ISLR2: variants seen among roughly 807,000 people sequenced by gnomAD.
The protein encoded by ISLR2 is immunoglobulin superfamily containing leucine-rich repeat protein 2.
Under a neutral mutation model 25.5 loss-of-function variants are expected in ISLR2, and 16 were observed. The ratio of observed to expected loss-of-function variants is 0.63; its 90% CI spans 0.43 to 0.95. The LOEUF (loss-of-function observed/expected upper bound fraction) is 0.95, where lower values mean the gene tolerates loss of function less well. Among genes scored for constraint, ISLR2 ranks in the 40% least tolerant of loss-of-function variants. The pLI is 0.00. For missense variants in ISLR2, 883 were observed against 1,030.7 expected, an observed-to-expected ratio of 0.86 and a Z score of 1.96; for synonymous variants, 508 against 486.6, an observed-to-expected ratio of 1.04 and a Z score of -0.58.
chr15:74,113,656 A>G (rs1431608438), intron 2 of ISLR2, among the ~76,000 whole-genome samples: 1 of 152,146 alleles, frequency 6.6e-6, no homozygotes, highest in Non-Finnish European at 1.5e-5. Context: ...TCAAGGCTAC[A>G]TTTTAGGTTT....
chr15:74,125,055 C>T (rs769808364), upstream of ISLR2, among the ~76,000 whole-genome samples: 1 of 152,174 alleles, frequency 6.6e-6, no homozygotes, highest in African/African-American at 2.4e-5. Flanking sequence ...CCCCAGCCCC[C>T]ACTCCCCTGC....
intron 1 of ISLR2, among the ~76,000 whole-genome samples, chr15:74,103,646 C>T (rs1416680857): frequency 7.7e-6 from 1 of 129,780 alleles, no homozygotes; most frequent in African/African-American, 3.1e-5. Flanking sequence ...GAAAATTATA[C>T]TTTGATACAG....
intron 2 of ISLR2, among the ~76,000 whole-genome samples, chr15:74,116,251 G>T (rs1229842161): frequency 2.0e-5 from 3 of 151,762 alleles, no homozygotes; most frequent in African/African-American, 7.3e-5. Flanking sequence ...GCAGATATGG[G>T]ATTAAAAGCA....
intron 2 of ISLR2, among the ~76,000 whole-genome samples, chr15:74,121,444 C>G (rs1281834904): frequency 6.6e-6 from 1 of 152,058 alleles, no homozygotes; most frequent in African/African-American, 2.4e-5. Flanking sequence ...GAGGACAGCA[C>G]CTGAGCAATC....
At chr15:74,120,562 G>A (rs374680469) in intron 2 of ISLR2, among the ~76,000 whole-genome samples, 11 of 151,944 alleles carry the variant, frequency 7.2e-5, no homozygotes, top group Middle Eastern at 3.4e-3. Context: ...CCCACGGGGA[G>A]GCAGAGGGTA....
Position 74,134,313 on chromosome 15 carries a change from C to G in ISLR2, c.1559C>G (p.Pro520Arg), listed in dbSNP as rs1049576057. ...GPGPGGAGGA[P>R]RPGRRPLRLL... is the part of the protein sequence containing the mutation. ...GGGCCCGGCGGGGCTGGCGGAGCCCCGCGACCCGGGCGGCGACCCCTGCGC... is the reference window on the plus strand; with the variant it reads ...GGGCCCGGCGGGGCTGGCGGAGCCCGGCGACCCGGGCGGCGACCCCTGCGC... The change falls in exon 3 of 3, where the codon CCG becomes CGG. Residue 520 changes from proline to arginine, a missense_variant. By Grantham distance (103) the Pro-to-Arg change is moderately radical (BLOSUM62 -2). Transcript: ENST00000453268. 1.2e-5 allele frequency: 18 copies of G among 1,530,020 alleles called. 1 individual carries two copies. The South Asian group carries it at 1.6e-4, about 14-fold the overall frequency. 94.8% of individuals were successfully genotyped at this position (1,530,020 alleles called of 1,614,324 possible). A position where few individuals can be genotyped will look rare whatever the true frequency, so the allele number is the denominator to read the frequency against.
rs1401146207 is a variant in ISLR2 at position 74,136,672 on chromosome 15, G to A, written c.*1680G>A. The A allele has an allele frequency of 6.0e-6, 1 of 165,952 alleles. No individual in the cohort carries two copies. The highest frequency in any genetic ancestry group is 1.5e-5 in the Non-Finnish European group (1 of 68,132). The allele number at this position is 165,952 out of a possible 1,614,324, so 10.3% of individuals were successfully genotyped here. ...AAGCGTCGGGGTTGGGGTGGGGGGA[G>A]TTTCAGTCCTCGGGATCAGCCCTCT... On this transcript the variant is annotated 3_prime_UTR_variant, in exon 3 of 3. Coordinates refer to ENST00000453268, the MANE Select transcript of ISLR2 (RefSeq NM_020851.3).
chr15:74,110,585 A>G (rs1207452662), intron 2 of ISLR2, among the ~76,000 whole-genome samples: 1 of 151,984 alleles, frequency 6.6e-6, no homozygotes, highest in Non-Finnish European at 1.5e-5. Context: ...TGGGAGGCCA[A>G]GGTGAGCAGA....
chr15:74,128,889 CAAAG>C (rs1042461772), upstream of ISLR2: 12 of 382,996 alleles, frequency 3.1e-5, no homozygotes, highest in East Asian at 7.5e-5. Context: ...GTTCGGCAGA[CAAAG>C]AAGGGTGTGC....
intron 2 of ISLR2, among the ~76,000 whole-genome samples, chr15:74,114,308 G>A (rs745807611): frequency 3.9e-5 from 6 of 152,102 alleles, no homozygotes; most frequent in Non-Finnish European, 5.9e-5. Flanking sequence ...TTCGAAGTAC[G>A]ATTAATATCA....
intron 1 of ISLR2, among the ~76,000 whole-genome samples, chr15:74,102,943 G>A (rs900796120): frequency 1.3e-5 from 2 of 151,552 alleles, no homozygotes; most frequent in South Asian, 4.2e-4. Context: ...GAGTAGCTGG[G>A]ACTACAAGCA....
At chr15:74,111,094 C>T (rs1242368475) in intron 2 of ISLR2, among the ~76,000 whole-genome samples, 129 of 143,440 alleles carry the variant, frequency 9.0e-4, no homozygotes, top group Non-Finnish European at 2.0e-4. Flanking sequence ...GAGCCAAGAT[C>T]GCGCCACTGA....
chr15:74,118,722 A>G (rs552012067), intron 2 of ISLR2, among the ~76,000 whole-genome samples: 18 of 151,884 alleles, frequency 1.2e-4, no homozygotes, highest in South Asian at 4.2e-4. Context: ...CAATGGTGCA[A>G]TCTTGGCTCA....
At chr15:74,138,273 TTC>T (rs2072589461), downstream of ISLR2, 1 of 148,212 alleles carries the variant, frequency 6.7e-6, no homozygotes, top group Non-Finnish European at 1.5e-5. Context: ...CATCAGCTTT[TTC>T]TTTTTCTTTT....
rs1386749041 is a variant in ISLR2, at chr15:74,133,398, C to T, written c.644C>T (p.Pro215Leu). ...EPDSIACASP[P>L]ALQGVPVYRL... ...GACTCCATTGCTTGTGCCTCGCCTC[C>T]CGCGCTGCAGGGGGTGCCGGTGTAC... The change falls in exon 3 of 3, where the codon CCC (proline) becomes CTC (leucine). Residue 215 changes from proline to leucine, a missense_variant. Pro to Leu is a moderately conservative substitution (Grantham distance 98). This residue lies in a region of ISLR2 where 271 missense variants were observed against 387.9 expected (regional missense o/e 0.70). Transcript: ENST00000453268. The T allele has an allele frequency of 2.5e-6, 4 of 1,607,032 alleles. No homozygotes were observed. Among genetic ancestry groups the T allele is most frequent in the Non-Finnish European group, 3.4e-6 (4 of 1,179,730 alleles).
chr15:74,128,446 T>TCTCCCTGCCGAA, upstream of ISLR2: 1 of 456,418 alleles, frequency 2.2e-6, no homozygotes, highest in Non-Finnish European at 4.4e-6. Context: ...AGGAGCCCCG[T>TCTCCCTGCCGAA]CTCCCTGCCG....
chr15:74,124,010 C>A (rs935256903), upstream of ISLR2, among the ~76,000 whole-genome samples: 3 of 152,014 alleles, frequency 2.0e-5, no homozygotes, highest in African/African-American at 4.8e-5. Flanking sequence ...ATCAATCGAT[C>A]CAAGAATTCT....
upstream of ISLR2, chr15:74,129,341 A>G: frequency 4.0e-6 from 1 of 248,952 alleles, no homozygotes; most frequent in Non-Finnish European, 7.9e-6. The surrounding 1 kb of genome is among the most constrained non-coding windows in gnomAD (Gnocchi z 4.5). Flanking sequence ...TCTCTTCCCC[A>G]CCCCCTCCCC....
At chr15:74,139,515 A>G (rs2072599390), downstream of ISLR2, among the ~76,000 whole-genome samples, 1 of 152,118 alleles carries the variant, frequency 6.6e-6, no homozygotes, top group African/African-American at 2.4e-5. Flanking sequence ...TGTCCCCATC[A>G]GGTGGTTGTA....
Sources: allele counts gnomAD v4.1 joint callset (sites outside exome capture counted in the v4.1 genomes callset), GRCh38; gene constraint gnomAD v4.1.1; regional missense constraint gnomAD v4.1.1; non-coding constraint Gnocchi (gnomAD v3.1); transcripts MANE v1.5; gene names NCBI Gene and HGNC (gene_info 2026-07-23, HGNC 2026-07-21).